MACROD2: variants seen among roughly 807,000 people sequenced by gnomAD.
MACROD2 encodes the protein mono-ADP ribosylhydrolase 2.
MACROD2 carries 36 observed loss-of-function variants against 70.4 expected under a neutral mutation model. The ratio of observed to expected loss-of-function variants is 0.51; its 90% confidence interval spans 0.39 to 0.68. The LOEUF is 0.68. Among genes scored for constraint, MACROD2 ranks in the 30% least tolerant of loss-of-function variants. MACROD2 has a pLI of 0.00. For missense variants in MACROD2, 496 were observed against 538.4 expected, an observed-to-expected ratio of 0.92 and a Z score of 0.78; for synonymous variants, 172 against 178.8, an observed-to-expected ratio of 0.96 and a Z score of 0.30.
intron 9 of MACROD2, among the ~76,000 whole-genome samples, chr20:15,876,749 A>G (rs6043588): frequency 0.12 from 17,691 of 152,052 alleles, 1,504 homozygotes; most frequent in East Asian, 0.28. Flanking sequence ...AAGCGTTCCT[A>G]TTTCTCCACG....
chr20:15,391,480 C>A lies in MACROD2; in HGVS notation c.541-39925C>A, dbSNP rs965718445. 3.3e-5 allele frequency among the ~76,000 whole-genome samples: 5 copies of A among 152,164 alleles called. No homozygotes were observed. The East Asian group carries it at 9.6e-4, about 29-fold the overall frequency. On this transcript the variant is annotated intron_variant, in intron 6 of 17. Coordinates refer to ENST00000684519, the MANE Select transcript of MACROD2 (RefSeq NM_001351661.2). Reference sequence around the variant, plus strand: ...ATAGACCAGGTCTCCAGTGGTGAATCTGACTTTGCCAAAGGCGAGCAGGTC... The same window carrying A: ...ATAGACCAGGTCTCCAGTGGTGAATATGACTTTGCCAAAGGCGAGCAGGTC...
chr20:15,540,039 C>T (rs901106619), intron 8 of MACROD2, among the ~76,000 whole-genome samples: 9 of 152,078 alleles, frequency 5.9e-5, no homozygotes, highest in East Asian at 1.9e-4. Context: ...TTAGGTAGAG[C>T]GATAAAGTGA....
At chr20:14,060,288 C>T (rs1055922291) in intron 2 of MACROD2, among the ~76,000 whole-genome samples, 9 of 152,056 alleles carry the variant, frequency 5.9e-5, no homozygotes, top group Non-Finnish European at 1.0e-4. Context: ...CAAGCCACTT[C>T]GCCATTTACA....
At chr20:15,042,146 A>G (rs1012489645) in intron 5 of MACROD2, among the ~76,000 whole-genome samples, 2 of 152,200 alleles carry the variant, frequency 1.3e-5, no homozygotes, top group Non-Finnish European at 2.9e-5. Context: ...CTAGGGATAT[A>G]AATTATCCTA....
chr20:14,518,233 A>G (rs116756584), intron 4 of MACROD2, among the ~76,000 whole-genome samples: 5 of 113,566 alleles, frequency 4.4e-5, no homozygotes, highest in Non-Finnish European at 7.1e-5. Context: ...TATTATTGCT[A>G]TTATTGAAAT....
chr20:14,667,771 C>T (rs986633735), intron 4 of MACROD2, among the ~76,000 whole-genome samples: 2 of 152,116 alleles, frequency 1.3e-5, no homozygotes, highest in Non-Finnish European at 2.9e-5. Context: ...TCTTTATGGA[C>T]ACAGAAGAAC....
At chr20:15,507,659 TCC>T (rs899566130) in intron 8 of MACROD2, among the ~76,000 whole-genome samples, 7 of 152,134 alleles carry the variant, frequency 4.6e-5, no homozygotes, top group Non-Finnish European at 1.0e-4. Context: ...AGGCAGCTTC[TCC>T]CCTTCTGATG....
intron 10 of MACROD2, among the ~76,000 whole-genome samples, chr20:15,928,132 A>C (rs2065519271): frequency 6.6e-6 from 1 of 152,234 alleles, no homozygotes; most frequent in Admixed American, 6.5e-5. Flanking sequence ...GGTTATGAAA[A>C]AGAATGTCCT....
intron 5 of MACROD2, among the ~76,000 whole-genome samples, chr20:14,763,826 C>T (rs763696414): frequency 2.0e-5 from 3 of 151,964 alleles, no homozygotes; most frequent in Non-Finnish European, 4.4e-5. Flanking sequence ...ATCTAAAACC[C>T]GGACTTGGGG....
At chr20:14,944,610 A>G (rs752221254) in intron 5 of MACROD2, among the ~76,000 whole-genome samples, 6 of 152,164 alleles carry the variant, frequency 3.9e-5, no homozygotes, top group Non-Finnish European at 8.8e-5. Flanking sequence ...TTCTGATTCC[A>G]GATTCCCAGT....
At chr20:14,234,300 C>T (rs556151257) in intron 3 of MACROD2, among the ~76,000 whole-genome samples, 3 of 152,210 alleles carry the variant, frequency 2.0e-5, no homozygotes, top group Admixed American at 6.5e-5. Context: ...GTTCATATAT[C>T]CTTTTCCATA....
chr20:15,252,977 A>G (rs2077168846), intron 6 of MACROD2, among the ~76,000 whole-genome samples: 1 of 152,186 alleles, frequency 6.6e-6, no homozygotes, highest in Admixed American at 6.5e-5. Context: ...TGTATGCTGT[A>G]TCAGTCAGGA....
intron 8 of MACROD2, among the ~76,000 whole-genome samples, chr20:15,627,336 C>T (rs928036928): frequency 5.3e-5 from 8 of 151,870 alleles, no homozygotes; most frequent in Admixed American, 3.3e-4. Context: ...GTAATGTGAC[C>T]ACCCAACAAG....
intron 5 of MACROD2, among the ~76,000 whole-genome samples, chr20:14,852,891 T>C (rs1332048901): frequency 6.6e-6 from 1 of 152,166 alleles, no homozygotes; most frequent in East Asian, 1.9e-4. Context: ...GAAGCCCCAC[T>C]GTGGCTCGGA....
rs189199535 is a variant in MACROD2, at chr20:15,640,065, G to T, written c.645+140218G>T. On this transcript the variant is annotated intron_variant, in intron 8 of 17. Transcript: ENST00000684519. ...TGAGAGAAGAAGAGAGAAAGGGGGC[G>T]TGAGAGAAGGTGAGAGAAAAAAGGA... is the stretch of plus-strand genomic sequence containing the variant. Among the ~76,000 whole-genome samples, 376 of 150,716 alleles carry T rather than the reference G, an allele frequency of 2.5e-3. 1 individual carries two copies. Among genetic ancestry groups the T allele is most frequent in the Non-Finnish European group, 4.3e-3 (292 of 67,794 alleles).
intron 3 of MACROD2, among the ~76,000 whole-genome samples, chr20:14,358,364 A>G (rs1197972547): frequency 6.6e-6 from 1 of 152,188 alleles, no homozygotes; most frequent in African/African-American, 2.4e-5. Flanking sequence ...GAACATATAT[A>G]TATTCCAGTT....
intron 8 of MACROD2, among the ~76,000 whole-genome samples, chr20:15,581,275 G>A (rs1369469635): frequency 6.6e-6 from 1 of 152,166 alleles, no homozygotes; most frequent in Non-Finnish European, 1.5e-5. Flanking sequence ...CACTGTCTCT[G>A]TTGATGTGTT....
At chr20:14,937,441 G>A (rs1373972217) in intron 5 of MACROD2, among the ~76,000 whole-genome samples, 1 of 152,020 alleles carries the variant, frequency 6.6e-6, no homozygotes, top group Non-Finnish European at 1.5e-5. Flanking sequence ...GAATAATGGA[G>A]AATCAGTCAT....
At chr20:14,845,431 C>A (rs2073129898) in intron 5 of MACROD2, among the ~76,000 whole-genome samples, 1 of 152,020 alleles carries the variant, frequency 6.6e-6, no homozygotes, top group African/African-American at 2.4e-5. Context: ...GTATATCATT[C>A]TGACACTCTT....
Sources: gnomAD v4.1 joint callset for allele counts (sites outside exome capture counted in the v4.1 genomes callset) on GRCh38, gnomAD v4.1.1 for gene constraint, MANE v1.5 for transcripts, NCBI Gene and HGNC (gene_info 2026-07-23, HGNC 2026-07-21) for gene names.